The following ARB2A variants were observed in gnomAD, a reference collection of about 807,000 sequenced individuals.
The protein encoded by ARB2A is ARB2 cotranscriptional regulator A.
chr5:93,850,288 A>G, the ARB2A span, among the ~76,000 whole-genome samples: 7 of 152,310 alleles, frequency 4.6e-5, no homozygotes, highest in East Asian at 1.9e-4. Flanking sequence ...AATTCACAGT[A>G]TACACTGAGG....
the ARB2A span, among the ~76,000 whole-genome samples, chr5:94,044,883 C>A: frequency 6.6e-6 from 1 of 151,890 alleles, no homozygotes; most frequent in African/African-American, 2.4e-5. Flanking sequence ...GTTACCCTAC[C>A]AAGGCGGGTG....
chr5:93,861,634 C>T, the ARB2A span: 12 of 152,290 alleles, frequency 7.9e-5, no homozygotes, highest in East Asian at 2.1e-3. Context: ...AAAAAAATCA[C>T]TTGGTTAGCA....
At chr5:93,786,599 G>T in the ARB2A span, among the ~76,000 whole-genome samples, 11 of 152,286 alleles carry the variant, frequency 7.2e-5, no homozygotes, top group East Asian at 1.9e-3. Context: ...GACTGTTTAG[G>T]ATTAGTAGAA....
At chr5:93,737,148 G>T in the ARB2A span, 1 of 152,140 alleles carries the variant, frequency 6.6e-6, no homozygotes, top group Admixed American at 6.5e-5. Context: ...ATCCATTAGC[G>T]ATGAACAATT....
At chr5:93,903,368 C>T in the ARB2A span, among the ~76,000 whole-genome samples, 2 of 151,870 alleles carry the variant, frequency 1.3e-5, no homozygotes, top group Non-Finnish European at 2.9e-5. Context: ...CAGACATCAG[C>T]AATAACAACA....
the ARB2A span, among the ~76,000 whole-genome samples, chr5:93,924,160 C>T: frequency 1.1e-4 from 17 of 151,940 alleles, no homozygotes; most frequent in Non-Finnish European, 2.2e-4. Flanking sequence ...TGTAGCTACA[C>T]GATGAAAAAT....
chr5:93,775,467 C>T, the ARB2A span, among the ~76,000 whole-genome samples: 1 of 152,208 alleles, frequency 6.6e-6, no homozygotes, highest in African/African-American at 2.4e-5. Flanking sequence ...ATGTCACTCT[C>T]TCTTCTTACC....
the ARB2A span, among the ~76,000 whole-genome samples, chr5:93,913,074 T>G: frequency 1.3e-5 from 2 of 151,860 alleles, no homozygotes; most frequent in Admixed American, 6.6e-5. Flanking sequence ...ATTTTCCCCA[T>G]AGTCTCCTTT....
At chr5:93,671,862 G>T in the ARB2A span, among the ~76,000 whole-genome samples, 1 of 152,168 alleles carries the variant, frequency 6.6e-6, no homozygotes, top group African/African-American at 2.4e-5. Flanking sequence ...GATAAAGGTA[G>T]AAGATAGTGT....
At chr5:94,091,004 T>C in the ARB2A span, among the ~76,000 whole-genome samples, 2 of 152,126 alleles carry the variant, frequency 1.3e-5, no homozygotes, top group African/African-American at 4.8e-5. Context: ...AAAAAAAACA[T>C]AGTGAGAAAT....
the ARB2A span, among the ~76,000 whole-genome samples, chr5:94,031,291 T>C: frequency 1.3e-4 from 20 of 152,188 alleles, no homozygotes; most frequent in Admixed American, 2.0e-4. Context: ...AGAATGCTGA[T>C]AGACATATGG....
At chr5:94,033,556 C>T in the ARB2A span, among the ~76,000 whole-genome samples, 6 of 152,160 alleles carry the variant, frequency 3.9e-5, no homozygotes, top group African/African-American at 1.4e-4. Context: ...TCCCGAGTAG[C>T]TGGGATTACA....
chr5:93,840,075 C>A, the ARB2A span, among the ~76,000 whole-genome samples: 1 of 152,084 alleles, frequency 6.6e-6, no homozygotes, highest in African/African-American at 2.4e-5. Flanking sequence ...TTTGCTCCTG[C>A]TTCTCTAGTT....
At chr5:94,005,847 C>T in the ARB2A span, among the ~76,000 whole-genome samples, 7 of 152,156 alleles carry the variant, frequency 4.6e-5, no homozygotes, top group African/African-American at 9.6e-5. Context: ...ACTACACATT[C>T]GTCAAAATGA....
the ARB2A span, among the ~76,000 whole-genome samples, chr5:93,624,019 T>TATGAAACTCTATCC: frequency 6.6e-6 from 1 of 152,142 alleles, no homozygotes; most frequent in Admixed American, 6.5e-5. Flanking sequence ...TACAGATGAA[T>TATGAAACTCTATCC]ATGAAACTCT....
chr5:93,976,992 T>C, the ARB2A span, among the ~76,000 whole-genome samples: 6 of 151,334 alleles, frequency 4.0e-5, no homozygotes, highest in Non-Finnish European at 7.4e-5. Flanking sequence ...AAGAATGCAA[T>C]ACCATTTACA....
At chr5:93,640,041 G>GT in the ARB2A span, among the ~76,000 whole-genome samples, 1 of 140,330 alleles carries the variant, frequency 7.1e-6, no homozygotes, top group African/African-American at 2.7e-5. Flanking sequence ...TCCAGCCCGG[G>GT]TGACAGTGAG....
chr5:93,800,268 A>G, the ARB2A span, among the ~76,000 whole-genome samples: 1 of 152,008 alleles, frequency 6.6e-6, no homozygotes, highest in African/African-American at 2.4e-5. Context: ...TCAGGATGTA[A>G]AACATATGCT....
the ARB2A span, among the ~76,000 whole-genome samples, chr5:94,016,700 C>T: frequency 1.3e-5 from 2 of 152,190 alleles, no homozygotes; most frequent in African/African-American, 4.8e-5. Flanking sequence ...TGCCCTCCCT[C>T]CTTAAAATAA....
Sources: allele counts gnomAD v4.1 joint callset (sites outside exome capture counted in the v4.1 genomes callset), GRCh38; gene constraint gnomAD v4.1.1; transcripts MANE v1.5; gene names NCBI Gene and HGNC (gene_info 2026-07-23, HGNC 2026-07-21).